Variants in GALNT7 observed in about 807,000 individuals in gnomAD.
GALNT7 encodes N-acetylgalactosaminyltransferase 7.
Under a neutral mutation model 82.1 loss-of-function variants are expected in GALNT7, and 60 were observed. The ratio of observed to expected loss-of-function variants is 0.73; its 90% CI spans 0.59 to 0.91. GALNT7 has a LOEUF of 0.91. GALNT7 is among the 40% of genes least tolerant of loss of function. The probability of loss-of-function intolerance (pLI) is 0.00; values close to 1 mark genes in which losing one functional copy is unlikely to be tolerated. For synonymous variants in GALNT7, 243 were observed against 275.1 expected (o/e 0.88, Z 1.15); for missense variants, 660 against 804.2 (o/e 0.82, Z 2.17).
At chr4:173,206,879 T>C (rs1733115768) in intron 1 of GALNT7, among the ~76,000 whole-genome samples, 1 of 152,204 alleles carries the variant, frequency 6.6e-6, no homozygotes. Context: ...GGTGTGACAC[T>C]ACCCCTGGCT....
chr4:173,171,079 T>C (rs1319754014), intron 1 of GALNT7, among the ~76,000 whole-genome samples: 1 of 152,244 alleles, frequency 6.6e-6, no homozygotes, highest in Non-Finnish European at 1.5e-5. Context: ...TTAAGAGGAA[T>C]GCTTAGGTAT....
intron 1 of GALNT7, among the ~76,000 whole-genome samples, chr4:173,215,180 A>C (rs1338825661): frequency 6.6e-6 from 1 of 151,924 alleles, no homozygotes; most frequent in African/African-American, 2.4e-5. Flanking sequence ...CCAACTATCC[A>C]AGAGGTTCTG....
At chr4:173,296,133 T>C (rs1736709437) in intron 5 of GALNT7, among the ~76,000 whole-genome samples, 1 of 152,198 alleles carries the variant, frequency 6.6e-6, no homozygotes. Flanking sequence ...AAGAGTTATA[T>C]GAATTGCTCC....
Position 173,298,320 on chromosome 4 carries a change from A to G in GALNT7, c.1148+23A>G, listed in dbSNP as rs376326618. 9.4e-5 allele frequency: 141 copies of G among 1,503,958 alleles called. No homozygotes were observed. In the African/African-American group the frequency reaches 1.9e-3, roughly 20 times the overall value. 93.2% of individuals were successfully genotyped at this position (1,503,958 alleles called of 1,614,324 possible). The stretch of plus-strand genomic sequence containing the variant: ...TCGGTAATCACTAAATCACTTACAT[A>G]TTTTTCTTTTCTCCAGTTGCTGCTA... On this transcript the variant is annotated intron_variant, in intron 6 of 11. Transcript: ENST00000265000.
chr4:173,316,618 A>G (rs1737614939), intron 9 of GALNT7: 2 of 152,188 alleles, frequency 1.3e-5, no homozygotes, highest in Admixed American at 6.5e-5. Flanking sequence ...CCTGGCACAC[A>G]TCAGGTACTT....
At chr4:173,168,989 C>T (rs2126608152) in intron 1 of GALNT7, 28 bp downstream of exon 1, 1 of 1,604,910 alleles carries the variant, frequency 6.2e-7, no homozygotes. Context: ...CCCCCTCCGG[C>T]GGCAGCGACC....
intron 1 of GALNT7, among the ~76,000 whole-genome samples, chr4:173,180,765 C>T (rs1488670894): frequency 6.6e-6 from 1 of 152,226 alleles, no homozygotes. Context: ...CTTGAGAAGA[C>T]TTAAATCTTT....
intron 1 of GALNT7, among the ~76,000 whole-genome samples, chr4:173,224,882 G>A (rs1733766224): frequency 6.6e-6 from 1 of 151,764 alleles, no homozygotes; most frequent in Admixed American, 6.6e-5. Context: ...AGGCGTGGTG[G>A]CGCGCGCCTG....
At chr4:173,224,267 GA>G (rs1161744514) in intron 1 of GALNT7, among the ~76,000 whole-genome samples, 3 of 152,032 alleles carry the variant, frequency 2.0e-5, no homozygotes, top group African/African-American at 7.2e-5. Flanking sequence ...ACCACGTTTC[GA>G]GTAGATCTCA....
At chr4:173,287,508 A>G (rs533414154) in intron 2 of GALNT7, among the ~76,000 whole-genome samples, 10 of 152,364 alleles carry the variant, frequency 6.6e-5, no homozygotes, top group Non-Finnish European at 1.3e-4. Context: ...TGTAGAAAAG[A>G]GGCAAGAGAA....
intron 1 of GALNT7, among the ~76,000 whole-genome samples, chr4:173,233,931 ATGT>A (rs766020007): frequency 6.6e-6 from 1 of 152,168 alleles, no homozygotes; most frequent in African/African-American, 2.4e-5. Flanking sequence ...TTTTCAAAAA[ATGT>A]TGTCTATTCT....
chr4:173,178,757 ATC>A (rs1732155299), intron 1 of GALNT7, among the ~76,000 whole-genome samples: 1 of 152,206 alleles, frequency 6.6e-6, no homozygotes, highest in South Asian at 2.1e-4. Flanking sequence ...GGTTTCCCAA[ATC>A]TAGAAGGTAC....
At chr4:173,270,490 G>C (rs1055867460) in intron 2 of GALNT7, among the ~76,000 whole-genome samples, 8 of 152,158 alleles carry the variant, frequency 5.3e-5, no homozygotes, top group African/African-American at 1.9e-4. Flanking sequence ...TTTTATGAAG[G>C]CTTTCGTATT....
intron 1 of GALNT7, among the ~76,000 whole-genome samples, chr4:173,198,751 C>A (rs936541991): frequency 5.3e-5 from 8 of 152,138 alleles, no homozygotes; most frequent in African/African-American, 1.9e-4. Flanking sequence ...GACACCTTCA[C>A]AGGCTGCTTC....
chr4:173,220,165 T>C (rs771196489), intron 1 of GALNT7, among the ~76,000 whole-genome samples: 2 of 152,204 alleles, frequency 1.3e-5, no homozygotes, highest in Non-Finnish European at 1.5e-5. Flanking sequence ...CTTGAGTTGA[T>C]TTTTGTATAA....
Position 173,248,320 on chromosome 4 carries a change from T to A in GALNT7, c.467T>A (p.Leu156Ter). ...GGCCCTGGAGAGAAAGCCAAGCCAT[T>A]GGTTTTGGGACCAGAATTCAAACAA... ...VGGPGEKAKPLVLGPEFKQAI... is the reference protein window; with the variant it reads ...VGGPGEKAKP Residue 156 changes from leucine to a stop codon, truncating the protein, a stop_gained, in exon 2 of 12, where the codon TTG becomes TAG. Transcript: ENST00000265000. LOFTEE classifies it high-confidence loss of function. 1 of 1,613,836 alleles carries A rather than the reference T, an allele frequency of 6.2e-7. No homozygotes were observed. The highest frequency in any genetic ancestry group is 8.5e-7 in the Non-Finnish European group (1 of 1,179,790).
rs188812732 is a variant in GALNT7 at position 173,292,517 on chromosome 4, C to T, written c.754+243C>T. Reference sequence around the variant, plus strand: ...CGCTCAGAGATGTACAAGTAGTACACAAAAATTTGGTTGTACACAAAAATT... The same window carrying T: ...CGCTCAGAGATGTACAAGTAGTACATAAAAATTTGGTTGTACACAAAAATT... On this transcript the variant is annotated intron_variant, in intron 3 of 11. Coordinates refer to ENST00000265000, the MANE Select transcript of GALNT7 (RefSeq NM_017423.3). This position sits in a 1 kb window ranked among gnomAD's most constrained non-coding sequence, Gnocchi z 4.8. Among the ~76,000 whole-genome samples the T allele has an allele frequency of 1.3e-5, 2 of 152,200 alleles. No individual in the cohort carries two copies. Among genetic ancestry groups the T allele is most frequent in the African/African-American group, 4.8e-5 (2 of 41,528 alleles).
intron 1 of GALNT7, among the ~76,000 whole-genome samples, chr4:173,191,838 C>G (rs1251389023): frequency 6.6e-6 from 1 of 152,064 alleles, no homozygotes; most frequent in African/African-American, 2.4e-5. Context: ...GTTTCTGTGA[C>G]TCATCGAAAA....
intron 1 of GALNT7, among the ~76,000 whole-genome samples, chr4:173,202,519 C>A (rs1051760099): frequency 1.3e-5 from 2 of 152,032 alleles, no homozygotes; most frequent in African/African-American, 2.4e-5. Context: ...CTTAGATAAC[C>A]CTCTTCACTC....
Sources: gnomAD v4.1 joint callset for allele counts (sites outside exome capture counted in the v4.1 genomes callset) on GRCh38, gnomAD v4.1.1 for gene constraint, Gnocchi (gnomAD v3.1) non-coding constraint, MANE v1.5 for transcripts, NCBI Gene and HGNC (gene_info 2026-07-23, HGNC 2026-07-21) for gene names.